Variants in CLASP2 observed in about 807,000 individuals in gnomAD.
The protein encoded by CLASP2 is CLIP-associating protein 2.
A neutral mutation model predicts 194.4 loss-of-function variants in CLASP2; 47 were observed. That is an observed-to-expected ratio of 0.24 (90% CI 0.19 to 0.31). The LOEUF (loss-of-function observed/expected upper bound fraction) is 0.31, where lower values mean the gene tolerates loss of function less well. Ranked by LOEUF, CLASP2 falls within the 10% of genes least tolerant of loss-of-function variation. The pLI, the probability that CLASP2 is intolerant of heterozygous loss-of-function variation, is 1.00. For missense variants in CLASP2, 1,445 were observed against 1,823.6 expected (o/e 0.79, Z 3.78); for synonymous variants, 619 against 633.5 (o/e 0.98, Z 0.34).
intron 24 of CLASP2, among the ~76,000 whole-genome samples, chr3:33,574,857 G>GTA (rs2064505660): frequency 6.6e-6 from 1 of 152,112 alleles, no homozygotes; most frequent in Non-Finnish European, 1.5e-5. Context: ...ATTGGTAGTT[G>GTA]TAAGTGGAAC....
At chr3:33,538,730 T>TA (rs2057833560) in intron 33 of CLASP2, 59 bp downstream of exon 33, 1 of 1,352,604 alleles carries the variant, frequency 7.4e-7, no homozygotes, top group Non-Finnish European at 9.7e-7. Context: ...AAATGTAATT[T>TA]AAAAAATTAT....
intron 36 of CLASP2, chr3:33,514,786 T>G (rs2050815829): frequency 9.7e-6 from 2 of 207,136 alleles, no homozygotes; most frequent in South Asian, 1.4e-4. Context: ...TGCACATCAA[T>G]CAATGAATGG....
intron 30 of CLASP2, among the ~76,000 whole-genome samples, chr3:33,548,888 C>T (rs1389566031): frequency 6.7e-6 from 1 of 148,410 alleles, no homozygotes; most frequent in Non-Finnish European, 1.5e-5. Flanking sequence ...CTGCTTCAGT[C>T]TCTTGAGTAT....
intron 33 of CLASP2, among the ~76,000 whole-genome samples, chr3:33,535,982 G>C (rs1351087032): frequency 1.3e-5 from 2 of 150,510 alleles, no homozygotes; most frequent in South Asian, 2.1e-4. Flanking sequence ...GATGCCAAAA[G>C]AATTTGGGTA....
chr3:33,688,217 G>C (rs1247192662), intron 4 of CLASP2, 60 bp downstream of exon 4: 1 of 1,305,538 alleles, frequency 7.7e-7, no homozygotes, highest in African/African-American at 1.5e-5. Flanking sequence ...TTTGTGAACT[G>C]AGGTTTTTTT....
chr3:33,545,343 A>G (rs1169464187), intron 30 of CLASP2, among the ~76,000 whole-genome samples: 2 of 152,210 alleles, frequency 1.3e-5, no homozygotes, highest in Non-Finnish European at 2.9e-5. Context: ...TTACTAAAAG[A>G]CAAACTTTGA....
At position 33,718,023 on chromosome 3, in the gene CLASP2, C is replaced by T. The variant is rs1390510585; in HGVS notation, c.-21G>A. On this transcript the variant is annotated 5_prime_UTR_variant, in exon 1 of 39. Transcript: ENST00000682230. ...TCCATGGCTGCGGCCGCCCGCCCGCCTGCCAGTCTGTGAGCGGCCAACTTT... is the reference window on the plus strand; with the variant it reads ...TCCATGGCTGCGGCCGCCCGCCCGCTTGCCAGTCTGTGAGCGGCCAACTTT... 9 of 1,460,036 alleles carry T rather than the reference C, an allele frequency of 6.2e-6. No individual in the cohort carries two copies. Among genetic ancestry groups the T allele is most frequent in the Non-Finnish European group, 8.1e-6 (9 of 1,113,724 alleles). 90.4% of individuals were successfully genotyped at this position (1,460,036 alleles called of 1,614,324 possible). A position where few individuals can be genotyped will look rare whatever the true frequency, so the allele number is the denominator to read the frequency against.
At chr3:33,702,880 T>C (rs947227762) in intron 1 of CLASP2, among the ~76,000 whole-genome samples, 1 of 152,136 alleles carries the variant, frequency 6.6e-6, no homozygotes, top group Non-Finnish European at 1.5e-5. Flanking sequence ...AAGATAGTCT[T>C]TTCAACAAAT....
chr3:33,634,404 T>C (rs1217030140), intron 8 of CLASP2, among the ~76,000 whole-genome samples: 1 of 152,206 alleles, frequency 6.6e-6, no homozygotes, highest in African/African-American at 2.4e-5. Flanking sequence ...AAGGGCTATA[T>C]GGTCTCTGCT....
intron 27 of CLASP2, among the ~76,000 whole-genome samples, chr3:33,565,346 T>C (rs1053466012): frequency 2.0e-5 from 3 of 151,950 alleles, no homozygotes; most frequent in African/African-American, 4.8e-5. Context: ...ACTCGGCTAA[T>C]TTTTTTGTAC....
At chr3:33,524,090 T>C (rs1311174159) in intron 34 of CLASP2, among the ~76,000 whole-genome samples, 1 of 152,156 alleles carries the variant, frequency 6.6e-6, no homozygotes, top group East Asian at 1.9e-4. Context: ...AAGTCCTTTC[T>C]TATCAGTAAT....
At chr3:33,628,610 A>G (rs911929422) in intron 9 of CLASP2, among the ~76,000 whole-genome samples, 1 of 152,152 alleles carries the variant, frequency 6.6e-6, no homozygotes, top group African/African-American at 2.4e-5. Flanking sequence ...CATTATTCCA[A>G]TTTCAAACAG....
At chr3:33,644,132 A>T (rs2081869567) in intron 8 of CLASP2, among the ~76,000 whole-genome samples, 1 of 152,164 alleles carries the variant, frequency 6.6e-6, no homozygotes, top group East Asian at 1.9e-4. Context: ...CCATTAAAAA[A>T]TTTAAAGATA....
intron 6 of CLASP2, among the ~76,000 whole-genome samples, chr3:33,667,000 G>A (rs1348818515): frequency 6.6e-6 from 1 of 152,064 alleles, no homozygotes; most frequent in Admixed American, 6.6e-5. Context: ...ATTGCCATCT[G>A]TATATTCTTT....
chr3:33,699,236 G>C (rs1345349992), intron 1 of CLASP2, among the ~76,000 whole-genome samples: 3 of 151,974 alleles, frequency 2.0e-5, no homozygotes, highest in African/African-American at 7.2e-5. Context: ...AAGAGCAGTG[G>C]GATAATACTA....
At chr3:33,536,036 G>T (rs766127793) in intron 33 of CLASP2, among the ~76,000 whole-genome samples, 1 of 151,988 alleles carries the variant, frequency 6.6e-6, no homozygotes, top group Admixed American at 6.6e-5. Context: ...ACAAATACTG[G>T]TATCAAAATA....
chr3:33,551,140 T>C (rs2154160859), intron 30 of CLASP2, 112 bp downstream of exon 30: 2 of 872,598 alleles, frequency 2.3e-6, no homozygotes, highest in East Asian at 2.6e-5. Flanking sequence ...AAGCTCTTCA[T>C]AACTCACTGC....
chr3:33,616,734 C>CTT (rs958911625), intron 12 of CLASP2, among the ~76,000 whole-genome samples: 575 of 95,186 alleles, frequency 6.0e-3, no homozygotes, highest in African/African-American at 7.7e-3. Flanking sequence ...ACTATACTTC[C>CTT]TTTTTTTTTT....
At chr3:33,499,812 A>C (rs4679039) in intron 38 of CLASP2, among the ~76,000 whole-genome samples, 51,866 of 151,980 alleles carry the variant, frequency 0.34, 9,303 homozygotes, top group Admixed American at 0.48. Flanking sequence ...ATGAGGAAAT[A>C]ACAATATAGA....
Sources: gnomAD v4.1 joint callset for allele counts (sites outside exome capture counted in the v4.1 genomes callset) on GRCh38, gnomAD v4.1.1 for gene constraint, MANE v1.5 for transcripts, NCBI Gene and HGNC (gene_info 2026-07-23, HGNC 2026-07-21) for gene names.